TMEM255A: variants seen among roughly 807,000 people sequenced by gnomAD.
The protein encoded by TMEM255A is transmembrane protein 255A.
TMEM255A carries 14 observed loss-of-function variants against 23.5 expected under a neutral mutation model. That is an observed-to-expected ratio of 0.60 (90% CI 0.39 to 0.93). The LOEUF is 0.93. Among genes scored for constraint, TMEM255A ranks in the 40% least tolerant of loss-of-function variants. The pLI is 0.00. For synonymous variants in TMEM255A, 104 were observed against 100.3 expected, an observed-to-expected ratio of 1.04 and a Z score of -0.22; for missense variants, 233 against 261.7, an observed-to-expected ratio of 0.89 and a Z score of 0.76.
chrX:120,294,552 G>T (rs2057941964), intron 2 of TMEM255A, among the ~76,000 whole-genome samples: 1 of 111,618 alleles, frequency 9.0e-6, no homozygotes, highest in Admixed American at 9.5e-5. Flanking sequence ...TTGTAGCTAT[G>T]AATCATACCT....
downstream of TMEM255A, chrX:120,254,288 A>G (rs1232257673): frequency 8.3e-7 from 1 of 1,210,137 alleles, no homozygotes; most frequent in African/African-American, 1.7e-5. Flanking sequence ...TTTCTACACC[A>G]CCAAATGTCA....
intron 2 of TMEM255A, among the ~76,000 whole-genome samples, chrX:120,296,763 TATATTAA>T (rs1485254847): frequency 2.0e-4 from 2 of 9,897 alleles, no homozygotes; most frequent in African/African-American, 7.0e-4. Context: ...ATATATTATA[TATATTAA>T]ATATATTATA....
chrX:120,277,105 C>A, intron 6 of TMEM255A, 58 bp from the exon 7 acceptor site: 2 of 1,064,071 alleles, frequency 1.9e-6, no homozygotes, highest in Non-Finnish European at 2.6e-6. Flanking sequence ...TCCTCCCCAG[C>A]CCCCTCCCCA....
At chrX:120,306,153 A>G (rs1324413199) in intron 1 of TMEM255A, among the ~76,000 whole-genome samples, 1 of 111,200 alleles carries the variant, frequency 9.0e-6, no homozygotes, top group Non-Finnish European at 1.9e-5. Flanking sequence ...ATGGGACAAA[A>G]ACATAAAGGC....
intron 2 of TMEM255A, among the ~76,000 whole-genome samples, chrX:120,299,609 C>G (rs782506077): frequency 3.6e-4 from 40 of 112,126 alleles, no homozygotes; most frequent in African/African-American, 1.2e-3. Flanking sequence ...GCCACTGTAC[C>G]CAGCCCAGGT....
intron 8 of TMEM255A, among the ~76,000 whole-genome samples, chrX:120,263,407 G>T (rs1233888805): frequency 8.9e-6 from 1 of 112,161 alleles, no homozygotes; most frequent in Non-Finnish European, 1.9e-5. Context: ...GTGGCCAACA[G>T]GCTGATGGTG....
chrX:120,296,463 C>T (rs1453072625), intron 2 of TMEM255A, among the ~76,000 whole-genome samples: 1 of 91,786 alleles, frequency 1.1e-5, no homozygotes, highest in Non-Finnish European at 2.1e-5. Flanking sequence ...AGTTTTCTGA[C>T]GTTCACTACT....
At chrX:120,306,825 T>A (rs1029342428) in intron 1 of TMEM255A, among the ~76,000 whole-genome samples, 1 of 112,214 alleles carries the variant, frequency 8.9e-6, no homozygotes, top group Non-Finnish European at 1.9e-5. Context: ...AAGAGCCAGG[T>A]CAGAAAAGTG....
In TMEM255A at chrX:120,291,267, A is replaced by G. The variant is rs1355971429; in HGVS notation, c.338T>C (p.Phe113Ser). The change falls in exon 4 of 9, where the codon TTT (phenylalanine) becomes TCT (serine). Residue 113 changes from phenylalanine (F) to serine (S), a missense_variant. Physicochemically the swap from Phe to Ser is radical, Grantham distance 155 (BLOSUM62 -2). Transcript: ENST00000371369. The part of the protein sequence containing the change: ...AFCCAIVDGV[F>S]AARHIDLKPL... ...AATACTCACAATGTGTCTGGCAGCA[A>G]AGACCCCGTCAACTATGGCACAACA... 9.1e-6 allele frequency: 11 copies of G among 1,208,992 alleles called. No individual in the cohort carries two copies. The highest frequency in any genetic ancestry group is 1.2e-5 in the Non-Finnish European group (11 of 893,726).
chrX:120,290,760 C>A (rs1556022744), intron 4 of TMEM255A, among the ~76,000 whole-genome samples: 2 of 111,818 alleles, frequency 1.8e-5, no homozygotes, highest in South Asian at 3.8e-4. Context: ...AGGCAAAGGG[C>A]CTTTCTCTGG....
At chrX:120,255,493 T>C (rs2057632322), downstream of TMEM255A, 4 of 936,145 alleles carry the variant, frequency 4.3e-6, no homozygotes, top group African/African-American at 3.9e-5. Flanking sequence ...TTTCAGAAGA[T>C]CTGTAAAACA....
chrX:120,300,554 A>ATTTTTTTTTTTTTTTT (rs368966488), intron 2 of TMEM255A, among the ~76,000 whole-genome samples: 1 of 74,204 alleles, frequency 1.3e-5, no homozygotes, highest in African/African-American at 5.9e-5. Context: ...GGCCAGGCTA[A>ATTTTTTTTTTTTTTTT]TTTTTTTTTT....
At chrX:120,275,396 G>A (rs1176976263) in intron 7 of TMEM255A, among the ~76,000 whole-genome samples, 1 of 112,097 alleles carries the variant, frequency 8.9e-6, no homozygotes, top group Non-Finnish European at 1.9e-5. Flanking sequence ...TACTGCTGGA[G>A]ACTTGCAATC....
intron 7 of TMEM255A, among the ~76,000 whole-genome samples, chrX:120,274,122 A>G (rs1556019302): frequency 8.9e-6 from 1 of 112,423 alleles, no homozygotes; most frequent in African/African-American, 3.2e-5. Context: ...GATGAATTTT[A>G]AAAACAAAAA....
chrX:120,294,160 C>A, intron 2 of TMEM255A, 109 bp from the exon 3 acceptor site: 4 of 513,422 alleles, frequency 7.8e-6, no homozygotes, highest in Non-Finnish European at 1.2e-5. Context: ...CTGGGCCGGG[C>A]GCGGTGGCTC....
chrX:120,285,805 C>T (rs2057871173), intron 5 of TMEM255A: 1 of 1,197,482 alleles, frequency 8.4e-7, no homozygotes, highest in African/African-American at 1.8e-5. Flanking sequence ...GCTATCACAA[C>T]AAAATCTAGA....
At chrX:120,263,113 C>G (rs1476314898) in intron 8 of TMEM255A, among the ~76,000 whole-genome samples, 6 of 111,518 alleles carry the variant, frequency 5.4e-5, no homozygotes, top group African/African-American at 2.0e-4. Flanking sequence ...TGGCTGCAGT[C>G]CACACACCCT....
intron 8 of TMEM255A, among the ~76,000 whole-genome samples, chrX:120,262,267 G>C (rs2057685622): frequency 9.0e-6 from 1 of 111,717 alleles, no homozygotes; most frequent in African/African-American, 3.3e-5. Flanking sequence ...TCCAGCTTGG[G>C]TGACAGAGTG....
chrX:120,286,081 C>G, intron 5 of TMEM255A: 1 of 340,222 alleles, frequency 2.9e-6, no homozygotes, highest in Middle Eastern at 5.5e-4. Context: ...TTCCTCCTAT[C>G]TAACCTGAGA....
Sources: allele counts gnomAD v4.1 joint callset (sites outside exome capture counted in the v4.1 genomes callset), GRCh38; gene constraint gnomAD v4.1.1; transcripts MANE v1.5; gene names NCBI Gene and HGNC (gene_info 2026-07-23, HGNC 2026-07-21).